Variants in DNAH6 observed in about 807,000 individuals in gnomAD.
The protein encoded by DNAH6 is dynein axonemal heavy chain 6.
DNAH6 carries 340 observed loss-of-function variants against 491.4 expected under a neutral mutation model. The observed-to-expected ratio is 0.69, with a 90% CI of 0.63 to 0.76. The LOEUF (loss-of-function observed/expected upper bound fraction) is 0.76, where lower values mean the gene tolerates loss of function less well. DNAH6 is among the 30% of genes least tolerant of loss of function. DNAH6 has a pLI of 0.00. For synonymous variants in DNAH6, 1,603 were observed against 1,686.1 expected, an observed-to-expected ratio of 0.95 and a Z score of 1.21; for missense variants, 4,443 against 4,972.2, an observed-to-expected ratio of 0.89 and a Z score of 3.20.
intron 48 of DNAH6, among the ~76,000 whole-genome samples, chr2:84,700,447 G>A (rs1333966109): frequency 1.3e-5 from 2 of 152,174 alleles, no homozygotes; most frequent in African/African-American, 4.8e-5. Flanking sequence ...ATCATCAGCT[G>A]AGAGTGAAAA....
intron 18 of DNAH6, among the ~76,000 whole-genome samples, chr2:84,597,036 C>T (rs1037494662): frequency 6.6e-6 from 1 of 152,108 alleles, no homozygotes; most frequent in African/African-American, 2.4e-5. Context: ...CCATACAGAA[C>T]AATTTCATTA....
chr2:84,750,495 T>C (rs1191293247), intron 63 of DNAH6, among the ~76,000 whole-genome samples: 8 of 152,170 alleles, frequency 5.3e-5, no homozygotes, highest in African/African-American at 1.9e-4. Context: ...TATGTGGTTA[T>C]ACTTTTTTAA....
At chr2:84,668,270 A>G (rs1187872266) in intron 37 of DNAH6, among the ~76,000 whole-genome samples, 1 of 152,252 alleles carries the variant, frequency 6.6e-6, no homozygotes, top group Non-Finnish European at 1.5e-5. Flanking sequence ...CTGGATAACA[A>G]TAAAAAAAGA....
At chr2:84,554,878 C>G (rs1393924027) in intron 10 of DNAH6, among the ~76,000 whole-genome samples, 2 of 152,336 alleles carry the variant, frequency 1.3e-5, no homozygotes, top group East Asian at 3.9e-4. Context: ...TGTCCTTTAC[C>G]CCCAAGGGGT....
chr2:84,737,627 C>G (rs967033759), intron 62 of DNAH6, among the ~76,000 whole-genome samples: 13 of 151,790 alleles, frequency 8.6e-5, no homozygotes, highest in Admixed American at 6.6e-4. Flanking sequence ...AGATGCTCAT[C>G]ATAATACCCT....
At chr2:84,734,963 C>T (rs1031240489) in intron 62 of DNAH6, among the ~76,000 whole-genome samples, 4 of 151,966 alleles carry the variant, frequency 2.6e-5, no homozygotes, top group Non-Finnish European at 5.9e-5. Flanking sequence ...ATATTGCATG[C>T]TGGGGAAGTT....
chr2:84,696,083 G>A (rs1344602459), intron 46 of DNAH6, among the ~76,000 whole-genome samples: 1 of 151,878 alleles, frequency 6.6e-6, no homozygotes. Flanking sequence ...TTAATTGGCT[G>A]TAACTTAACA....
In DNAH6 at chr2:84,634,615, A is replaced by T. The variant is rs756440692; in HGVS notation, c.4627A>T (p.Thr1543Ser). The change falls in exon 30 of 77, where the codon ACC (threonine) becomes TCC (serine). Residue 1543 changes from threonine (T) to serine (S), a missense_variant. Coordinates refer to ENST00000389394, the MANE Select transcript of DNAH6 (RefSeq NM_001370.2). ...VLSVIAQQLI[T>S]IRNAKAAKLS... ...GTCCGTCATCGCGCAGCAACTCATTACCATTAGGAACGCCAAAGCGGCAAA... is the reference window on the plus strand; with the variant it reads ...GTCCGTCATCGCGCAGCAACTCATTTCCATTAGGAACGCCAAAGCGGCAAA... 169 of 1,541,320 alleles carry T rather than the reference A, an allele frequency of 1.1e-4. No individual in the cohort carries two copies. Among genetic ancestry groups the T allele is most frequent in the Middle Eastern group, 1.7e-4 (1 of 5,968 alleles).
At chr2:84,716,785 A>G (rs1697577435) in intron 58 of DNAH6, among the ~76,000 whole-genome samples, 2 of 152,302 alleles carry the variant, frequency 1.3e-5, no homozygotes, top group Admixed American at 6.5e-5. Context: ...GCTGGGACTC[A>G]GTCATGGTGT....
intron 35 of DNAH6, among the ~76,000 whole-genome samples, 171 bp downstream of exon 35, chr2:84,654,953 T>G (rs1690801102): frequency 6.6e-6 from 1 of 151,746 alleles, no homozygotes; most frequent in Non-Finnish European, 1.5e-5. Context: ...GTTTATATAC[T>G]CCCCAAATCT....
chr2:84,540,907 C>G (rs17025229), intron 4 of DNAH6, among the ~76,000 whole-genome samples: 3,600 of 152,254 alleles, frequency 0.024, 56 homozygotes, highest in Middle Eastern at 0.092. Flanking sequence ...CCATCTCAAT[C>G]TAATGAGTTA....
chr2:84,588,928 T>C lies in DNAH6; in HGVS notation c.2584T>C (p.Tyr862His). 2 of 1,548,540 alleles carry C rather than the reference T, an allele frequency of 1.3e-6. No homozygotes were observed. The highest frequency in any genetic ancestry group is 2.0e-5 in the Admixed American group (1 of 50,408). ...TGATCTTCAGAAACGTGCATTTCAG[T>C]ATAAGTCCTATCAGAAGAATTTTAA... ...LADLQKRAFQ[Y>H]KSYQKNFKVE... The change falls in exon 16 of 77, where the codon TAT becomes CAT. Residue 862 changes from tyrosine (Y) to histidine (H), a missense_variant. By Grantham distance (83) the Tyr-to-His change is moderately conservative (BLOSUM62 2). This residue lies in a region of DNAH6 where 2,977 missense variants were observed against 3,296.6 expected (regional missense o/e 0.90). Transcript: ENST00000389394.
intron 2 of DNAH6, among the ~76,000 whole-genome samples, chr2:84,518,715 G>A (rs1675842671): frequency 6.6e-6 from 1 of 152,198 alleles, no homozygotes; most frequent in Admixed American, 6.5e-5. Flanking sequence ...TGCGTACTCT[G>A]TGCCAGGGTT....
Position 84,745,257 on chromosome 2 carries a change from AT to A in DNAH6, c.10512+15del, listed in dbSNP as rs1217618011. On this transcript the variant is annotated intron_variant, in intron 63 of 76. Coordinates refer to ENST00000389394, the MANE Select transcript of DNAH6 (RefSeq NM_001370.2). Reference sequence around the variant, plus strand: ...TGTTGTAAAGAAGAAAAGGTAGGGCATTTTTTTAATTAAAGGACTGTGTTAC... The same window carrying A: ...TGTTGTAAAGAAGAAAAGGTAGGGCATTTTTTAATTAAAGGACTGTGTTAC... 12 of 1,460,964 alleles carry A rather than the reference AT, an allele frequency of 8.2e-6. No homozygotes were observed. Among genetic ancestry groups the A allele is most frequent in the Admixed American group, 2.7e-5 (1 of 36,864 alleles). The allele number at this position is 1,460,964 out of a possible 1,614,324, so 90.5% of individuals were successfully genotyped here.
At chr2:84,487,699 C>A in the DNAH6 span, among the ~76,000 whole-genome samples, 1 of 152,330 alleles carries the variant, frequency 6.6e-6, no homozygotes, top group African/African-American at 2.4e-5. Flanking sequence ...GGCCTAAAGT[C>A]TGCCCGTAAT....
chr2:84,636,690 G>A (rs1046656283), intron 30 of DNAH6, among the ~76,000 whole-genome samples: 5 of 152,160 alleles, frequency 3.3e-5, no homozygotes, highest in Admixed American at 2.0e-4. Flanking sequence ...ACCAGAAAGT[G>A]GGAGTGGAGA....
intron 10 of DNAH6, among the ~76,000 whole-genome samples, chr2:84,557,410 G>A (rs1680147343): frequency 6.6e-6 from 1 of 151,718 alleles, no homozygotes; most frequent in Non-Finnish European, 1.5e-5. Context: ...ACTTTGGGAG[G>A]CCGAGGCGGG....
chr2:84,807,586 G>T, intron 71 of DNAH6, among the ~76,000 whole-genome samples: 1 of 152,130 alleles, frequency 6.6e-6, no homozygotes, highest in East Asian at 1.9e-4. Flanking sequence ...GGTGAGCAGG[G>T]AAGTGGGAGA....
chr2:84,809,190 G>A (rs191964238), intron 72 of DNAH6, among the ~76,000 whole-genome samples: 5 of 152,260 alleles, frequency 3.3e-5, no homozygotes, highest in Admixed American at 3.3e-4. Flanking sequence ...TAGTTTCTCT[G>A]TGCATAACTT....
Sources: gnomAD v4.1 joint callset for allele counts (sites outside exome capture counted in the v4.1 genomes callset) on GRCh38, gnomAD v4.1.1 for gene constraint, gnomAD v4.1.1 regional missense constraint, MANE v1.5 for transcripts, NCBI Gene and HGNC (gene_info 2026-07-23, HGNC 2026-07-21) for gene names.